CBLB: variants seen among roughly 807,000 people sequenced by gnomAD.
The protein encoded by CBLB is Cbl proto-oncogene B, also known as E3 ubiquitin-protein ligase CBL-B.
Under a neutral mutation model 104.9 loss-of-function variants are expected in CBLB, and 31 were observed. The observed-to-expected ratio is 0.30, with a 90% CI of 0.22 to 0.40. The LOEUF is 0.40. Ranked by LOEUF, CBLB falls within the 10% of genes least tolerant of loss-of-function variation. The probability of loss-of-function intolerance (pLI) is 1.00; values close to 1 mark genes in which losing one functional copy is unlikely to be tolerated. For synonymous variants in CBLB, 440 were observed against 422.6 expected (o/e 1.04, Z -0.51); for missense variants, 1,062 against 1,214.6 (o/e 0.87, Z 1.87).
At chr3:105,765,507 C>A (rs1298015039) in intron 4 of CBLB, among the ~76,000 whole-genome samples, 1 of 152,192 alleles carries the variant, frequency 6.6e-6, no homozygotes, top group African/African-American at 2.4e-5. Context: ...AAATAAATTT[C>A]TGTTCTTTAT....
intron 6 of CBLB, among the ~76,000 whole-genome samples, chr3:105,743,756 C>T (rs1424013863): frequency 1.3e-5 from 2 of 150,024 alleles, no homozygotes; most frequent in Middle Eastern, 3.2e-3. Context: ...ATGTTAAACA[C>T]AGATATTCTC....
chr3:105,858,023 T>C (rs2091776213), intron 2 of CBLB, among the ~76,000 whole-genome samples: 1 of 152,170 alleles, frequency 6.6e-6, no homozygotes, highest in East Asian at 1.9e-4. Context: ...AGCAAGCATG[T>C]TAAGAGAGAA....
At position 105,656,797 on chromosome 3, in the gene CBLB, T is replaced by C. The variant is rs111976802; in HGVS notation, c.*2173A>G. 8.5e-4 allele frequency: 174 copies of C among 203,918 alleles called. No homozygotes were observed. Among genetic ancestry groups the C allele is most frequent in the African/African-American group, 3.8e-3 (167 of 43,862 alleles). The allele number at this position is 203,918 out of a possible 1,614,324, so 12.6% of individuals were successfully genotyped here. On this transcript the variant is annotated 3_prime_UTR_variant, in exon 19 of 19. Transcript: ENST00000394030. The stretch of plus-strand genomic sequence containing the variant: ...GAATGTTGCAACAATGTTATCACAA[T>C]GAAGTGGCAACTTTTGGCCTTTAGA...
chr3:105,760,789 A>G (rs1364650808), intron 4 of CBLB, among the ~76,000 whole-genome samples: 1 of 152,202 alleles, frequency 6.6e-6, no homozygotes, highest in Non-Finnish European at 1.5e-5. Flanking sequence ...AACTCTGCAT[A>G]TATTGTTGTG....
intron 2 of CBLB, among the ~76,000 whole-genome samples, chr3:105,864,081 G>A (rs1421041985): frequency 1.3e-5 from 2 of 152,138 alleles, no homozygotes; most frequent in Non-Finnish European, 2.9e-5. Context: ...CAATAATGCT[G>A]TTCCTAAAAG....
intron 2 of CBLB, among the ~76,000 whole-genome samples, chr3:105,861,684 T>TACACACACACACACACACAC (rs147156324): frequency 6.9e-6 from 1 of 145,018 alleles, no homozygotes; most frequent in South Asian, 2.2e-4. Context: ...TGTGCACACA[T>TACACACACACACACACACAC]ACACACACAC....
chr3:105,768,669 T>C (rs562508735), intron 4 of CBLB, among the ~76,000 whole-genome samples: 5 of 152,358 alleles, frequency 3.3e-5, no homozygotes, highest in South Asian at 4.1e-4. Flanking sequence ...TAGAAAGTCA[T>C]TGAAGACTCT....
At chr3:105,706,213 G>T (rs1489938193) in intron 10 of CBLB, among the ~76,000 whole-genome samples, 1 of 152,120 alleles carries the variant, frequency 6.6e-6, no homozygotes, top group Non-Finnish European at 1.5e-5. Flanking sequence ...CCTGAATATT[G>T]TCATGACATT....
At chr3:105,850,192 T>C (rs943580629) in intron 3 of CBLB, among the ~76,000 whole-genome samples, 1 of 152,106 alleles carries the variant, frequency 6.6e-6, no homozygotes, top group South Asian at 2.1e-4. Context: ...TCATCTCTAA[T>C]TGAGAGAGAA....
rs531084217 is a variant in CBLB at position 105,696,837 on chromosome 3, T to C, written c.1960-3249A>G. Reference sequence around the variant, plus strand: ...CCATGGTCTTACCTCACCTGCCTACTCTTTTTATGCTATAGGCTATCCAAA... The same window carrying C: ...CCATGGTCTTACCTCACCTGCCTACCCTTTTTATGCTATAGGCTATCCAAA... On this transcript the variant is annotated intron_variant, in intron 12 of 18. Transcript: ENST00000394030. Among the ~76,000 whole-genome samples the C allele has an allele frequency of 1.4e-4, 22 of 152,046 alleles. No homozygotes were observed. The South Asian group carries it at 4.6e-3, about 32-fold the overall frequency.
At chr3:105,725,439 G>A (rs1485989041) in intron 9 of CBLB, among the ~76,000 whole-genome samples, 1 of 152,156 alleles carries the variant, frequency 6.6e-6, no homozygotes, top group Admixed American at 6.5e-5. Flanking sequence ...CAAAGTGCCA[G>A]TATCTGTTAC....
intron 5 of CBLB, 127 bp downstream of exon 5, chr3:105,751,335 G>A (rs767325267): frequency 5.3e-6 from 4 of 750,506 alleles, no homozygotes; most frequent in Non-Finnish European, 9.4e-6. Flanking sequence ...TAATAGGAAT[G>A]ACACTATTTT....
At chr3:105,736,838 C>G (rs896114490) in intron 8 of CBLB, among the ~76,000 whole-genome samples, 2 of 152,044 alleles carry the variant, frequency 1.3e-5, no homozygotes, top group African/African-American at 4.8e-5. Context: ...CCATTTGACT[C>G]TAAAATCTAA....
chr3:105,740,196 T>C (rs951164768), intron 7 of CBLB, among the ~76,000 whole-genome samples: 8 of 152,234 alleles, frequency 5.3e-5, no homozygotes, highest in Non-Finnish European at 8.8e-5. Flanking sequence ...TCTTAATATA[T>C]AAACAGTTTT....
chr3:105,689,843 T>C (rs1319009793), intron 13 of CBLB, among the ~76,000 whole-genome samples: 1 of 152,036 alleles, frequency 6.6e-6, no homozygotes, highest in Non-Finnish European at 1.5e-5. Context: ...GTGTCAAAGA[T>C]GTTAAGCAGA....
At chr3:105,731,110 C>T (rs1466638641) in intron 9 of CBLB, among the ~76,000 whole-genome samples, 1 of 152,138 alleles carries the variant, frequency 6.6e-6, no homozygotes, top group African/African-American at 2.4e-5. Flanking sequence ...GCAAGAGGAA[C>T]TACACCAATT....
At chr3:105,665,406 TAA>T (rs1491445289) in intron 18 of CBLB, among the ~76,000 whole-genome samples, 22,949 of 83,084 alleles carry the variant, frequency 0.28, 2,730 homozygotes, top group Admixed American at 0.32. Context: ...AATAAATAAA[TAA>T]ATAAATAAAT....
Position 105,656,651 on chromosome 3 carries a change from T to C in CBLB, c.*2319A>G, listed in dbSNP as rs1211671094. The C allele has an allele frequency of 1.6e-5, 2 of 122,946 alleles. No individual in the cohort carries two copies. The highest frequency in any genetic ancestry group is 1.1e-4 in the Admixed American group (1 of 8,914). 7.6% of individuals were successfully genotyped at this position (122,946 alleles called of 1,614,324 possible). On this transcript the variant is annotated 3_prime_UTR_variant, in exon 19 of 19. Transcript: ENST00000394030. ...CCCCAAATTTCAGGTCCAGGTTTGC[T>C]ATATCATCACTAGTCCTTTTTTAAT...
chr3:105,662,956 T>C (rs2152674820), intron 18 of CBLB, among the ~76,000 whole-genome samples: 1 of 152,332 alleles, frequency 6.6e-6, no homozygotes, highest in South Asian at 2.1e-4. Context: ...GTTACTACTG[T>C]TACTACTTGA....
Sources: allele counts gnomAD v4.1 joint callset (sites outside exome capture counted in the v4.1 genomes callset), GRCh38; gene constraint gnomAD v4.1.1; transcripts MANE v1.5; gene names NCBI Gene and HGNC (gene_info 2026-07-23, HGNC 2026-07-21).